SLC35D4: variants seen among roughly 807,000 people sequenced by gnomAD.
SLC35D4 encodes solute carrier family 35 member D4.
At chr18:23,345,481 CAAAAAA>C in the SLC35D4 span, among the ~76,000 whole-genome samples, 3 of 57,244 alleles carry the variant, frequency 5.2e-5, no homozygotes, top group East Asian at 1.3e-3. Context: ...GACTCCATCT[CAAAAAA>C]AAAAAAAAAA....
chr18:23,319,703 T>C, the SLC35D4 span, among the ~76,000 whole-genome samples: 1 of 152,086 alleles, frequency 6.6e-6, no homozygotes, highest in African/African-American at 2.4e-5. Context: ...CCTTCCAAAG[T>C]GCTGGGATTA....
the SLC35D4 span, among the ~76,000 whole-genome samples, chr18:23,396,424 A>G: frequency 6.6e-6 from 1 of 152,166 alleles, no homozygotes; most frequent in Non-Finnish European, 1.5e-5. Flanking sequence ...CACCCTATGA[A>G]TTTCTAAGCA....
the SLC35D4 span, chr18:23,253,156 T>C: frequency 5.4e-6 from 4 of 743,528 alleles, no homozygotes; most frequent in African/African-American, 1.7e-5. Flanking sequence ...TGGTCCTTCC[T>C]GTGGTTCCAG....
At chr18:23,363,364 ATTTTTTTTTTTTTTTTTT>A in the SLC35D4 span, among the ~76,000 whole-genome samples, 1 of 90,464 alleles carries the variant, frequency 1.1e-5, no homozygotes, top group Non-Finnish European at 2.0e-5. Flanking sequence ...ACAAAAGCAC[ATTTTTTTTTTTTTTTTTT>A]TTTTTTTTTT....
At chr18:23,290,929 C>T in the SLC35D4 span, among the ~76,000 whole-genome samples, 7,563 of 152,210 alleles carry the variant, frequency 0.05, 499 homozygotes, top group Admixed American at 0.19. Flanking sequence ...TGAGCCACCA[C>T]ACCCGTCATT....
At chr18:23,416,372 C>T in the SLC35D4 span, among the ~76,000 whole-genome samples, 1 of 152,204 alleles carries the variant, frequency 6.6e-6, no homozygotes, top group Non-Finnish European at 1.5e-5. Context: ...ACCTCTGGGA[C>T]TCCAAACTGT....
chr18:23,252,950 TC>T, the SLC35D4 span: 2 of 1,576,572 alleles, frequency 1.3e-6, no homozygotes, highest in African/African-American at 2.7e-5. Flanking sequence ...TGTTCCCCTG[TC>T]TGTTACAGAC....
chr18:23,352,513 A>G, the SLC35D4 span, among the ~76,000 whole-genome samples: 5 of 152,206 alleles, frequency 3.3e-5, no homozygotes, highest in South Asian at 8.3e-4. Context: ...GATTAGAGGA[A>G]TGGTGCAAAG....
chr18:23,254,074 T>C, the SLC35D4 span: 28 of 694,124 alleles, frequency 4.0e-5, 1 homozygote, highest in South Asian at 4.9e-4. Flanking sequence ...CTATGAAGTC[T>C]TTCCCATAGT....
At chr18:23,358,037 A>C in the SLC35D4 span, among the ~76,000 whole-genome samples, 1 of 152,174 alleles carries the variant, frequency 6.6e-6, no homozygotes, top group Non-Finnish European at 1.5e-5. Flanking sequence ...CCCTTTCCCC[A>C]TAGAAGTGAT....
At chr18:23,272,719 C>T in the SLC35D4 span, among the ~76,000 whole-genome samples, 1 of 152,308 alleles carries the variant, frequency 6.6e-6, no homozygotes, top group African/African-American at 2.4e-5. Context: ...CCTGACTTTG[C>T]TATACCACTG....
chr18:23,378,824 C>T, the SLC35D4 span, among the ~76,000 whole-genome samples: 7 of 147,272 alleles, frequency 4.8e-5, no homozygotes, highest in South Asian at 2.1e-4. Context: ...ATTGTTTAGA[C>T]GTGAAGCGCT....
the SLC35D4 span, among the ~76,000 whole-genome samples, chr18:23,418,950 G>A: frequency 4.5e-4 from 69 of 151,906 alleles, no homozygotes; most frequent in African/African-American, 1.6e-3. Context: ...GGAGCTTGCA[G>A]TGAGCTGAGA....
chr18:23,242,783 CTATT>C, the SLC35D4 span, among the ~76,000 whole-genome samples: 1 of 152,138 alleles, frequency 6.6e-6, no homozygotes, highest in Non-Finnish European at 1.5e-5. Context: ...GATAAAATGC[CTATT>C]TTTTATTTAC....
At chr18:23,288,188 C>G in the SLC35D4 span, among the ~76,000 whole-genome samples, 35 of 152,146 alleles carry the variant, frequency 2.3e-4, no homozygotes, top group African/African-American at 8.0e-4. Context: ...GACGTTCACC[C>G]CATTTCCCCA....
the SLC35D4 span, among the ~76,000 whole-genome samples, chr18:23,345,480 TCAAAA>T: frequency 8.9e-4 from 18 of 20,186 alleles, no homozygotes; most frequent in African/African-American, 2.6e-3. Flanking sequence ...AGACTCCATC[TCAAAA>T]AAAAAAAAAA....
At chr18:23,393,895 G>C in the SLC35D4 span, among the ~76,000 whole-genome samples, 1 of 152,128 alleles carries the variant, frequency 6.6e-6, no homozygotes, top group East Asian at 1.9e-4. Flanking sequence ...CTGGGATTGT[G>C]GGTGTGAGAC....
the SLC35D4 span, among the ~76,000 whole-genome samples, chr18:23,242,055 C>A: frequency 4.6e-5 from 7 of 152,252 alleles, no homozygotes; most frequent in East Asian, 1.4e-3. Flanking sequence ...GCGGGTGGAT[C>A]ACCTGAGGTC....
chr18:23,385,203 T>C, the SLC35D4 span: 1 of 723,160 alleles, frequency 1.4e-6, no homozygotes, highest in Non-Finnish European at 2.3e-6. Flanking sequence ...CAGCAAAGAC[T>C]TCTACATGGA....
Sources: gnomAD v4.1 joint callset for allele counts (sites outside exome capture counted in the v4.1 genomes callset) on GRCh38, gnomAD v4.1.1 for gene constraint, MANE v1.5 for transcripts, NCBI Gene and HGNC (gene_info 2026-07-23, HGNC 2026-07-21) for gene names.